Variants in KLHL1 observed in about 807,000 individuals in gnomAD.
KLHL1 encodes the protein kelch like family member 1.
Under a neutral mutation model 77.7 loss-of-function variants are expected in KLHL1, and 47 were observed. That is an observed-to-expected ratio of 0.60 (90% CI 0.48 to 0.77). The LOEUF (loss-of-function observed/expected upper bound fraction) is 0.77, where lower values mean the gene tolerates loss of function less well. Ranked by LOEUF, KLHL1 falls within the 30% of genes least tolerant of loss-of-function variation. The probability of loss-of-function intolerance (pLI) is 0.00; values close to 1 mark genes in which losing one functional copy is unlikely to be tolerated. For missense variants in KLHL1, 925 were observed against 910.8 expected (o/e 1.02, Z -0.20); for synonymous variants, 360 against 325.2 (o/e 1.11, Z -1.15).
intron 6 of KLHL1, among the ~76,000 whole-genome samples, chr13:69,819,110 G>A (rs1445056388): frequency 6.6e-6 from 1 of 152,150 alleles, no homozygotes; most frequent in Non-Finnish European, 1.5e-5. Flanking sequence ...GATCCTGATA[G>A]TGTAGCTTGT....
chr13:69,746,257 T>C (rs1874209215), intron 7 of KLHL1, among the ~76,000 whole-genome samples: 2 of 151,758 alleles, frequency 1.3e-5, no homozygotes, highest in Admixed American at 6.6e-5. Context: ...ATAATACCAG[T>C]TGTATTTCTT....
chr13:69,708,990 T>C (rs933689910), intron 9 of KLHL1, among the ~76,000 whole-genome samples: 1 of 152,020 alleles, frequency 6.6e-6, no homozygotes, highest in African/African-American at 2.4e-5. Flanking sequence ...TTACAGAAGA[T>C]CTGGAATTTA....
intron 5 of KLHL1, among the ~76,000 whole-genome samples, chr13:69,871,939 C>A (rs754416342): frequency 2.6e-5 from 4 of 152,104 alleles, no homozygotes; most frequent in African/African-American, 9.7e-5. Context: ...CTTTTCCAAT[C>A]TTTGCCCGTT....
At chr13:69,960,372 G>C (rs1007309251) in intron 3 of KLHL1, among the ~76,000 whole-genome samples, 1 of 151,944 alleles carries the variant, frequency 6.6e-6, no homozygotes, top group African/African-American at 2.4e-5. Context: ...TCTCACACCA[G>C]TATGAAGAAT....
chr13:69,798,641 T>A (rs1019191254), intron 6 of KLHL1, among the ~76,000 whole-genome samples: 1 of 152,074 alleles, frequency 6.6e-6, no homozygotes, highest in Non-Finnish European at 1.5e-5. Context: ...ATATTGGATA[T>A]TGAATGTTTT....
At chr13:70,060,301 T>A (rs1267897121) in intron 1 of KLHL1, among the ~76,000 whole-genome samples, 3 of 152,116 alleles carry the variant, frequency 2.0e-5, no homozygotes, top group African/African-American at 7.2e-5. Context: ...GAGGAACCAT[T>A]GTACACTCTT....
intron 7 of KLHL1, among the ~76,000 whole-genome samples, chr13:69,785,512 G>C (rs1004874038): frequency 2.6e-5 from 4 of 152,016 alleles, no homozygotes; most frequent in Non-Finnish European, 4.4e-5. Flanking sequence ...AGCAGTGTGT[G>C]GGTAGAGGGA....
At chr13:69,734,603 TATA>T (rs1873688592) in intron 8 of KLHL1, among the ~76,000 whole-genome samples, 1 of 151,994 alleles carries the variant, frequency 6.6e-6, no homozygotes, top group Admixed American at 6.6e-5. Flanking sequence ...AACAAAACCA[TATA>T]ATGACACTGG....
At chr13:69,910,901 C>G (rs1027368530) in intron 4 of KLHL1, among the ~76,000 whole-genome samples, 1 of 151,984 alleles carries the variant, frequency 6.6e-6, no homozygotes, top group Non-Finnish European at 1.5e-5. Context: ...AATTTGTTAG[C>G]ATATGAAAAA....
chr13:69,975,896 T>G (rs9542143), intron 1 of KLHL1, 94 bp from the exon 2 acceptor site: 10 of 1,349,450 alleles, frequency 7.4e-6, no homozygotes, highest in Non-Finnish European at 9.5e-6. Flanking sequence ...TTTTATCATT[T>G]TCTTAAGAAA....
At position 70,107,841 on chromosome 13, in the gene KLHL1, G is replaced by A; in HGVS notation, c.-142C>T. 1 of 638,510 alleles carries A rather than the reference G, an allele frequency of 1.6e-6. No homozygotes were observed. Among genetic ancestry groups the A allele is most frequent in the South Asian group, 2.5e-5 (1 of 40,640 alleles). The allele number at this position is 638,510 out of a possible 1,614,324, so 39.6% of individuals were successfully genotyped here. ...CCCTAGAGCCAGAAGACGCTAGGTGGGCTGCGCGCTCTGCCAGGCGAAGGC... is the reference window on the plus strand; with the variant it reads ...CCCTAGAGCCAGAAGACGCTAGGTGAGCTGCGCGCTCTGCCAGGCGAAGGC... On this transcript the variant is annotated 5_prime_UTR_variant, in exon 1 of 11. Coordinates refer to ENST00000377844, the MANE Select transcript of KLHL1 (RefSeq NM_020866.3).
intron 5 of KLHL1, among the ~76,000 whole-genome samples, chr13:69,875,397 T>C (rs892692724): frequency 1.3e-5 from 2 of 152,074 alleles, no homozygotes; most frequent in African/African-American, 2.4e-5. Flanking sequence ...CAATTGATAA[T>C]GTAAGAAGTG....
intron 2 of KLHL1, 123 bp downstream of exon 2, chr13:69,975,496 AC>A (rs1884518021): frequency 2.5e-6 from 2 of 791,344 alleles, no homozygotes; most frequent in Non-Finnish European, 1.9e-6. Context: ...AACAACAACA[AC>A]AAAAAACTTA....
chr13:69,945,175 C>T (rs1346928722), intron 3 of KLHL1, among the ~76,000 whole-genome samples: 2 of 151,306 alleles, frequency 1.3e-5, no homozygotes, highest in Non-Finnish European at 1.5e-5. Context: ...TTAGAACAGA[C>T]GGGGTTTCAC....
chr13:70,057,454 T>C (rs1219484114), intron 1 of KLHL1, among the ~76,000 whole-genome samples: 11 of 82,146 alleles, frequency 1.3e-4, no homozygotes, highest in Admixed American at 5.4e-4. Context: ...ATATCATAAA[T>C]AGACAAAGAC....
intron 6 of KLHL1, among the ~76,000 whole-genome samples, chr13:69,797,776 C>CAG (rs1215129578): frequency 2.0e-5 from 3 of 148,186 alleles, no homozygotes; most frequent in African/African-American, 7.5e-5. Context: ...TTGCAGTGAG[C>CAG]AGAGATCGCG....
At chr13:70,020,746 T>C (rs1384376515) in intron 1 of KLHL1, among the ~76,000 whole-genome samples, 1 of 152,014 alleles carries the variant, frequency 6.6e-6, no homozygotes. Flanking sequence ...TACTAGTGTA[T>C]CAATAGAATA....
intron 4 of KLHL1, among the ~76,000 whole-genome samples, chr13:69,912,641 T>C (rs571830228): frequency 1.3e-5 from 2 of 152,180 alleles, no homozygotes; most frequent in African/African-American, 4.8e-5. Context: ...TATTGGGAGG[T>C]AGCAGGTGGC....
intron 4 of KLHL1, among the ~76,000 whole-genome samples, chr13:69,905,396 C>G (rs879600529): frequency 2.6e-5 from 4 of 151,986 alleles, no homozygotes; most frequent in African/African-American, 7.2e-5. Flanking sequence ...TGTTTATAGT[C>G]TAAATTGACC....
Sources: gnomAD v4.1 joint callset for allele counts (sites outside exome capture counted in the v4.1 genomes callset) on GRCh38, gnomAD v4.1.1 for gene constraint, MANE v1.5 for transcripts, NCBI Gene and HGNC (gene_info 2026-07-23, HGNC 2026-07-21) for gene names.